Variants in NEMP2 observed in about 807,000 individuals in gnomAD.
The protein encoded by NEMP2 is nuclear envelope integral membrane protein 2.
NEMP2 carries 53 observed loss-of-function variants against 54.2 expected under a neutral mutation model. The observed-to-expected ratio is 0.98, with a 90% CI of 0.78 to 1.23. NEMP2 has a LOEUF of 1.23. Among genes scored for constraint, NEMP2 ranks in the 50% most tolerant of loss-of-function variants. The pLI is 0.00. For missense variants in NEMP2, 455 were observed against 511.3 expected (o/e 0.89, Z 1.06); for synonymous variants, 197 against 190.3 (o/e 1.04, Z -0.29).
At chr2:190,638,138 C>T in the NEMP2 span, among the ~76,000 whole-genome samples, 6 of 152,224 alleles carry the variant, frequency 3.9e-5, no homozygotes, top group East Asian at 3.9e-4. The surrounding 1 kb of genome is among the most constrained non-coding windows in gnomAD (Gnocchi z 5.7). Context: ...AGAGTGCTCC[C>T]GGCAGCACTG....
chr2:190,438,064 A>G, the NEMP2 span, among the ~76,000 whole-genome samples: 1 of 152,204 alleles, frequency 6.6e-6, no homozygotes, highest in African/African-American at 2.4e-5. The surrounding 1 kb of genome is among the most constrained non-coding windows in gnomAD (Gnocchi z 5.2). Flanking sequence ...ACCCACCGTA[A>G]TCCCTAATTC....
chr2:190,564,596 A>G, the NEMP2 span, among the ~76,000 whole-genome samples: 1 of 152,208 alleles, frequency 6.6e-6, no homozygotes, highest in Non-Finnish European at 1.5e-5. The surrounding 1 kb of genome is among the most constrained non-coding windows in gnomAD (Gnocchi z 4.2). Flanking sequence ...AGGCAGATCT[A>G]TATGATTTAA....
chr2:190,429,670 T>A, the NEMP2 span, among the ~76,000 whole-genome samples: 2 of 152,190 alleles, frequency 1.3e-5, no homozygotes, highest in Non-Finnish European at 2.9e-5. Context: ...ATGTTTAATA[T>A]ACTCTGTGTC....
upstream of NEMP2, chr2:190,534,836 C>T (rs917858456): frequency 2.7e-4 from 116 of 436,134 alleles, no homozygotes; most frequent in Non-Finnish European, 3.9e-4. Context: ...CAGCCTCCGC[C>T]CGCGGCCTCG....
At chr2:190,424,984 G>T in the NEMP2 span, among the ~76,000 whole-genome samples, 12 of 152,156 alleles carry the variant, frequency 7.9e-5, no homozygotes, top group Admixed American at 5.9e-4. This position sits in a 1 kb window ranked among gnomAD's most constrained non-coding sequence, Gnocchi z 5.9. Context: ...GAGGAGAATT[G>T]AAATTCATAA....
chr2:190,500,132 C>T, downstream of NEMP2: 1 of 1,614,158 alleles, frequency 6.2e-7, no homozygotes, highest in Admixed American at 1.7e-5. The surrounding 1 kb of genome is among the most constrained non-coding windows in gnomAD (Gnocchi z 5.3). Flanking sequence ...ATCTCAGACG[C>T]AGACCAGCCC....
At chr2:190,572,951 T>G in the NEMP2 span, among the ~76,000 whole-genome samples, 1 of 149,638 alleles carries the variant, frequency 6.7e-6, no homozygotes, top group East Asian at 2.0e-4. Flanking sequence ...TCAAAGGGTG[T>G]GTAAACATTT....
chr2:190,643,199 T>TA, the NEMP2 span, among the ~76,000 whole-genome samples: 2 of 152,222 alleles, frequency 1.3e-5, no homozygotes, highest in African/African-American at 4.8e-5. Flanking sequence ...GGGGGCTTAC[T>TA]GTATACTTAG....
chr2:190,430,617 A>G, the NEMP2 span, among the ~76,000 whole-genome samples: 3 of 151,954 alleles, frequency 2.0e-5, no homozygotes, highest in Non-Finnish European at 4.4e-5. Flanking sequence ...TTCTACACAG[A>G]CACAGCAACC....
chr2:190,437,540 T>C, the NEMP2 span: 2 of 1,613,744 alleles, frequency 1.2e-6, no homozygotes, highest in Non-Finnish European at 8.5e-7. The surrounding 1 kb of genome is among the most constrained non-coding windows in gnomAD (Gnocchi z 5.9). Flanking sequence ...CACAAGCTTA[T>C]TGAATTGATC....
chr2:190,497,683 A>G, the NEMP2 span: 4 of 1,614,126 alleles, frequency 2.5e-6, no homozygotes, highest in East Asian at 6.7e-5. This position sits in a 1 kb window ranked among gnomAD's most constrained non-coding sequence, Gnocchi z 5.2. Flanking sequence ...TGCAACTCAC[A>G]AGAGACAACC....
In NEMP2 at chr2:190,530,172, T is replaced by C. The variant is rs1691093666; in HGVS notation, c.97+4387A>G. ...GTCTTCAACCAGATTAAGGACAGCA[T>C]AGAAGGAAGGAGGTTGTCCTGACTG... is the stretch of plus-strand genomic sequence containing the variant. On this transcript the variant is annotated intron_variant, in intron 1 of 8. Transcript: ENST00000409150. The surrounding 1 kb of genome is among the most constrained non-coding windows in gnomAD (Gnocchi z 4.6). Among the ~76,000 whole-genome samples the C allele has an allele frequency of 6.6e-6, 1 of 152,184 alleles. No homozygotes were observed. Among genetic ancestry groups the C allele is most frequent in the Non-Finnish European group, 1.5e-5 (1 of 68,020 alleles).
chr2:190,439,678 C>A, the NEMP2 span, among the ~76,000 whole-genome samples: 1 of 152,146 alleles, frequency 6.6e-6, no homozygotes, highest in Non-Finnish European at 1.5e-5. This position sits in a 1 kb window ranked among gnomAD's most constrained non-coding sequence, Gnocchi z 5.8. Context: ...GGACAAAAAG[C>A]ATCTTCCATT....
chr2:190,471,573 A>G, the NEMP2 span, among the ~76,000 whole-genome samples: 1 of 152,208 alleles, frequency 6.6e-6, no homozygotes, highest in Non-Finnish European at 1.5e-5. This position sits in a 1 kb window ranked among gnomAD's most constrained non-coding sequence, Gnocchi z 4.7. Context: ...AGGCTTGAGT[A>G]GGTAAACAAA....
At chr2:190,423,345 G>T in the NEMP2 span, among the ~76,000 whole-genome samples, 46,466 of 151,998 alleles carry the variant, frequency 0.31, 7,505 homozygotes, top group African/African-American at 0.4. The surrounding 1 kb of genome is among the most constrained non-coding windows in gnomAD (Gnocchi z 4.3). Flanking sequence ...TTTCAATGAT[G>T]TTGTCATTTC....
chr2:190,627,593 G>GA, the NEMP2 span, among the ~76,000 whole-genome samples: 48,493 of 141,856 alleles, frequency 0.34, 8,855 homozygotes, highest in African/African-American at 0.52. This position sits in a 1 kb window ranked among gnomAD's most constrained non-coding sequence, Gnocchi z 4.4. Flanking sequence ...AGTTCTTAGG[G>GA]AAAAAAAAAA....
chr2:190,457,257 C>T, the NEMP2 span, among the ~76,000 whole-genome samples: 1 of 152,174 alleles, frequency 6.6e-6, no homozygotes, highest in African/African-American at 2.4e-5. This position sits in a 1 kb window ranked among gnomAD's most constrained non-coding sequence, Gnocchi z 5.1. Context: ...CCCCGGTCCA[C>T]CCCTGTGGCC....
the NEMP2 span, among the ~76,000 whole-genome samples, chr2:190,446,997 A>T: frequency 6.6e-6 from 1 of 152,166 alleles, no homozygotes; most frequent in African/African-American, 2.4e-5. Context: ...CATCACCACA[A>T]ACATTTATCC....
At chr2:190,618,679 G>A in the NEMP2 span, among the ~76,000 whole-genome samples, 1 of 152,102 alleles carries the variant, frequency 6.6e-6, no homozygotes, top group South Asian at 2.1e-4. Flanking sequence ...TCCTGGGCTC[G>A]AGCAATCCTT....
Sources: allele counts gnomAD v4.1 joint callset (sites outside exome capture counted in the v4.1 genomes callset), GRCh38; gene constraint gnomAD v4.1.1; non-coding constraint Gnocchi (gnomAD v3.1); transcripts MANE v1.5; gene names NCBI Gene and HGNC (gene_info 2026-07-23, HGNC 2026-07-21).